The following DCP2 variants were observed in gnomAD, a reference collection of about 807,000 sequenced individuals.
DCP2 encodes decapping mRNA 2.
In DCP2, 30 loss-of-function variants were observed where a neutral mutation model predicts 56.1. That is an observed-to-expected ratio of 0.53 (90% confidence interval 0.40 to 0.73). The LOEUF (loss-of-function observed/expected upper bound fraction) is 0.73. Ranked by LOEUF, DCP2 falls within the 30% of genes least tolerant of loss-of-function variation. DCP2 has a pLI of 0.00. For missense variants in DCP2, 533 were observed against 502.7 expected (o/e 1.06, Z -0.58); for synonymous variants, 197 against 163.3 (o/e 1.21, Z -1.57).
chr5:113,007,190 A>G (rs143735696), intron 8 of DCP2, among the ~76,000 whole-genome samples: 122 of 152,262 alleles, frequency 8.0e-4, no homozygotes, highest in Admixed American at 1.6e-3. Flanking sequence ...CTTTGTAAAA[A>G]TTAATACTGC....
At chr5:113,005,984 GGCATGGTGGT>G (rs1321970201) in intron 8 of DCP2, among the ~76,000 whole-genome samples, 10 of 152,034 alleles carry the variant, frequency 6.6e-5, no homozygotes, top group African/African-American at 2.4e-4. Flanking sequence ...AAATGAGCCA[GGCATGGTGGT>G]GCACACCTGT....
Position 112,985,871 on chromosome 5 carries a change from C to G in DCP2, c.90C>G (p.Asp30Glu). 2 of 1,609,300 alleles carry G rather than the reference C, an allele frequency of 1.2e-6. No individual in the cohort carries two copies. Among genetic ancestry groups the G allele is most frequent in the Non-Finnish European group, 1.7e-6 (2 of 1,176,074 alleles). Residue 30 changes from aspartate to glutamate, a missense_variant, in exon 2 of 11, where the codon GAC becomes GAG. Around this residue, in one of 3 missense-constraint regions of DCP2, gnomAD observed 137 missense variants for 138.2 expected, o/e 0.99. Coordinates refer to ENST00000389063, the MANE Select transcript of DCP2 (RefSeq NM_152624.6). ...TGCATATTCCCAGCGAGGAAAGAGA[C>G]AATGCAATCCGAGTGTGTTTTCAGA... ...FILHIPSEER[D>E]NAIRVCFQIE...
intron 2 of DCP2, among the ~76,000 whole-genome samples, chr5:112,990,802 GTAC>G (rs10560785): frequency 0.27 from 40,721 of 151,816 alleles, 6,776 homozygotes; most frequent in African/African-American, 0.48. Context: ...TATTTCATTT[GTAC>G]TACAACTATG....
At chr5:113,006,793 C>T (rs1244257712) in intron 8 of DCP2, among the ~76,000 whole-genome samples, 2 of 152,124 alleles carry the variant, frequency 1.3e-5, no homozygotes, top group Non-Finnish European at 2.9e-5. Context: ...TAGCAAGATT[C>T]AAACTATTGC....
At position 112,992,107 on chromosome 5, in the gene DCP2, G is replaced by A. The variant is rs1450456180; in HGVS notation, c.206-14G>A. 1.9e-6 allele frequency: 3 copies of A among 1,610,500 alleles called. No homozygotes were observed. Among genetic ancestry groups the A allele is most frequent in the Admixed American group, 3.4e-5 (2 of 59,082 alleles). The stretch of plus-strand genomic sequence containing the variant: ...TATTAAAGGAGAAAGTAACTTCCTT[G>A]ACACTATTTATACTCTTCAGTCATT... On this transcript the variant is annotated splice_polypyrimidine_tract_variant and intron_variant, in intron 2 of 10. Coordinates refer to ENST00000389063, the MANE Select transcript of DCP2 (RefSeq NM_152624.6).
intron 8 of DCP2, among the ~76,000 whole-genome samples, chr5:113,004,316 A>T (rs749201047): frequency 1.3e-5 from 2 of 152,242 alleles, no homozygotes; most frequent in African/African-American, 4.8e-5. Context: ...GCTGCCAATG[A>T]AAGGTTCATT....
At chr5:112,997,575 C>G (rs935425907) in intron 4 of DCP2, among the ~76,000 whole-genome samples, 5 of 151,794 alleles carry the variant, frequency 3.3e-5, no homozygotes, top group African/African-American at 1.2e-4. Context: ...TCTTTGTACA[C>G]TGCTGCTCTT....
At chr5:112,996,349 G>A (rs1015403785) in intron 4 of DCP2, among the ~76,000 whole-genome samples, 5 of 152,134 alleles carry the variant, frequency 3.3e-5, no homozygotes, top group African/African-American at 1.2e-4. Context: ...AACAGATGAG[G>A]AGAGATTTTG....
At chr5:112,989,100 A>T (rs1277197289) in intron 2 of DCP2, among the ~76,000 whole-genome samples, 1 of 152,208 alleles carries the variant, frequency 6.6e-6, no homozygotes, top group East Asian at 1.9e-4. Flanking sequence ...CAGTATCTTC[A>T]AGAAGATGAG....
chr5:112,984,049 C>T (rs556225633), intron 1 of DCP2: 1 of 152,128 alleles, frequency 6.6e-6, no homozygotes, highest in Non-Finnish European at 1.5e-5. Context: ...GACACATGAC[C>T]TCTGTGGGAT....
intron 8 of DCP2, among the ~76,000 whole-genome samples, chr5:113,006,502 C>T (rs750378609): frequency 1.4e-4 from 22 of 152,190 alleles, no homozygotes; most frequent in Non-Finnish European, 2.9e-5. Flanking sequence ...TGCGTAGTAA[C>T]ATGAGTCATT....
At chr5:112,980,267 G>T (rs1438588543) in intron 1 of DCP2, among the ~76,000 whole-genome samples, 4 of 152,198 alleles carry the variant, frequency 2.6e-5, no homozygotes, top group Non-Finnish European at 1.5e-5. Context: ...CCCTTTTTAA[G>T]AGTTGGGTAT....
At position 113,014,601 on chromosome 5, in the gene DCP2, A is replaced by G. The variant is rs187333956; in HGVS notation, c.*1117A>G. On this transcript the variant is annotated 3_prime_UTR_variant, in exon 11 of 11. Coordinates refer to ENST00000389063, the MANE Select transcript of DCP2 (RefSeq NM_152624.6). ...CACTCCTAGGAATGTATTTTGCTTC[A>G]GGATTTTTAAATTCAAATAAGGATG... The G allele has an allele frequency of 3.9e-5, 6 of 152,760 alleles. No homozygotes were observed. Among genetic ancestry groups the G allele is most frequent in the Non-Finnish European group, 8.8e-5 (6 of 68,032 alleles). The allele number at this position is 152,760 out of a possible 1,614,324, so 9.5% of individuals were successfully genotyped here.
intron 7 of DCP2, 129 bp from the exon 8 acceptor site, chr5:113,003,813 C>T (rs1749291507): frequency 1.0e-5 from 11 of 1,065,548 alleles, no homozygotes; most frequent in Non-Finnish European, 1.5e-5. Flanking sequence ...TCTCATAGAA[C>T]TTACATTCCA....
intron 4 of DCP2, among the ~76,000 whole-genome samples, chr5:112,993,927 G>C (rs1748718708): frequency 6.7e-6 from 1 of 150,068 alleles, no homozygotes; most frequent in African/African-American, 2.5e-5. Flanking sequence ...TCGCTTTGTT[G>C]TCCAGTGGCA....
intron 4 of DCP2, among the ~76,000 whole-genome samples, chr5:112,994,737 A>AT (rs1580811257): frequency 6.6e-6 from 1 of 152,180 alleles, no homozygotes; most frequent in Non-Finnish European, 1.5e-5. Context: ...GAGTTGAAAG[A>AT]TTTTTGTTCT....
At chr5:112,984,496 C>T (rs976355541) in intron 1 of DCP2, 3 of 151,762 alleles carry the variant, frequency 2.0e-5, no homozygotes, top group African/African-American at 7.3e-5. Context: ...CATCATTTAT[C>T]ATGGACTGTG....
At chr5:113,003,713 TA>T (rs1395356365) in intron 7 of DCP2, among the ~76,000 whole-genome samples, 2 of 152,130 alleles carry the variant, frequency 1.3e-5, no homozygotes, top group Non-Finnish European at 2.9e-5. Context: ...AAAAAAATAG[TA>T]GTGTATTAAT....
chr5:113,019,776 A>G lies in DCP2; in HGVS notation c.*6292A>G, dbSNP rs984159852. ...TCCTTGGTAATTATTGACTTATCCTAGATCCATGTACAATTCAGACTTTTA... is the reference window on the plus strand; with the variant it reads ...TCCTTGGTAATTATTGACTTATCCTGGATCCATGTACAATTCAGACTTTTA... On this transcript the variant is annotated 3_prime_UTR_variant, in exon 11 of 11. Coordinates refer to ENST00000389063, the MANE Select transcript of DCP2 (RefSeq NM_152624.6). 3.9e-5 allele frequency: 6 copies of G among 152,360 alleles called. No individual in the cohort carries two copies. The highest frequency in any genetic ancestry group is 1.2e-4 in the African/African-American group (5 of 41,594). The allele number at this position is 152,360 out of a possible 1,614,324, so 9.4% of individuals were successfully genotyped here.
Sources: allele counts gnomAD v4.1 joint callset (sites outside exome capture counted in the v4.1 genomes callset), GRCh38; gene constraint gnomAD v4.1.1; regional missense constraint gnomAD v4.1.1; transcripts MANE v1.5; gene names NCBI Gene and HGNC (gene_info 2026-07-23, HGNC 2026-07-21).